BATF: variants seen among roughly 807,000 people sequenced by gnomAD.
The protein encoded by BATF is basic leucine zipper ATF-like transcription factor, also known as basic leucine zipper transcriptional factor ATF-like.
BATF carries 5 observed loss-of-function variants against 13.7 expected under a neutral mutation model. That is an observed-to-expected ratio of 0.36 (90% CI 0.19 to 0.77). BATF has a LOEUF of 0.77. Among genes scored for constraint, BATF ranks in the 30% least tolerant of loss-of-function variants. The probability of loss-of-function intolerance (pLI) is 0.51; values close to 1 mark genes in which losing one functional copy is unlikely to be tolerated. For missense variants in BATF, 124 were observed against 163.0 expected, an observed-to-expected ratio of 0.76 and a Z score of 1.30; for synonymous variants, 72 against 67.5, an observed-to-expected ratio of 1.07 and a Z score of -0.33.
intron 2 of BATF, among the ~76,000 whole-genome samples, chr14:75,534,809 A>G (rs1309502068): frequency 6.6e-6 from 1 of 152,226 alleles, no homozygotes; most frequent in African/African-American, 2.4e-5. Context: ...AGGACTGGGA[A>G]GATTGAATGC....
At chr14:75,545,669 A>G (rs1201927642) in intron 2 of BATF, among the ~76,000 whole-genome samples, 2 of 152,108 alleles carry the variant, frequency 1.3e-5, no homozygotes, top group African/African-American at 4.8e-5. Context: ...ACAGTGGAAA[A>G]GAGTGAAACT....
chr14:75,525,442 C>T (rs1352463457), intron 2 of BATF, among the ~76,000 whole-genome samples: 3 of 151,862 alleles, frequency 2.0e-5, no homozygotes, highest in Non-Finnish European at 4.4e-5. Flanking sequence ...GCGGGTGGGT[C>T]ACCTGAGGTC....
At chr14:75,534,892 T>C (rs1410028501) in intron 2 of BATF, among the ~76,000 whole-genome samples, 1 of 152,188 alleles carries the variant, frequency 6.6e-6, no homozygotes, top group Non-Finnish European at 1.5e-5. Flanking sequence ...AAACCCAGTG[T>C]GCATCACGAT....
intron 2 of BATF, among the ~76,000 whole-genome samples, chr14:75,529,963 C>A (rs182959757): frequency 2.0e-5 from 3 of 150,828 alleles, no homozygotes; most frequent in African/African-American, 7.3e-5. Context: ...ACTTGAGAGG[C>A]TGAGGCAGGA....
chr14:75,536,112 G>A (rs1002046653), intron 2 of BATF, among the ~76,000 whole-genome samples: 4 of 152,212 alleles, frequency 2.6e-5, no homozygotes, highest in African/African-American at 9.6e-5. Context: ...CTTACAGTCA[G>A]TTGGAAGTCA....
rs1887989222 is a variant in BATF, at chr14:75,546,574, C to T, written c.281C>T (p.Ser94Leu). 4.3e-6 allele frequency: 7 copies of T among 1,614,078 alleles called. No individual in the cohort carries two copies. The highest frequency in any genetic ancestry group is 5.9e-6 in the Non-Finnish European group (7 of 1,179,968). ...SVLNSHEPLC[S>L]VLAASTPSPP... is the part of the protein sequence containing the mutation. ...CTGAACAGCCACGAGCCCCTGTGCT[C>T]GGTGCTGGCCGCCAGCACGCCCTCG... The change falls in exon 3 of 3, where the codon TCG (serine) becomes TTG (leucine). Residue 94 changes from serine (S) to leucine (L), a missense_variant. Ser to Leu is a moderately radical substitution (Grantham distance 145). This residue lies in a region of BATF where 59 missense variants were observed against 49.7 expected (regional missense o/e 1.19). Coordinates refer to ENST00000286639, the MANE Select transcript of BATF (RefSeq NM_006399.5).
chr14:75,542,845 G>A (rs944369194), intron 2 of BATF, among the ~76,000 whole-genome samples: 6 of 152,250 alleles, frequency 3.9e-5, no homozygotes, highest in Non-Finnish European at 7.3e-5. Context: ...GGATCTGCAA[G>A]CCAGGGAGGG....
At chr14:75,542,358 A>G (rs545898732) in intron 2 of BATF, among the ~76,000 whole-genome samples, 1 of 152,286 alleles carries the variant, frequency 6.6e-6, no homozygotes, top group Non-Finnish European at 1.5e-5. Flanking sequence ...TGGATGCCCA[A>G]ATGCAGGCTC....
intron 2 of BATF, among the ~76,000 whole-genome samples, chr14:75,535,301 C>CGGGG (rs1887801415): frequency 6.6e-6 from 1 of 152,042 alleles, no homozygotes; most frequent in Non-Finnish European, 1.5e-5. Context: ...CACCCAGCTA[C>CGGGG]TTTAGAGGCT....
At chr14:75,535,185 C>G (rs1833813813) in intron 2 of BATF, among the ~76,000 whole-genome samples, 2 of 152,018 alleles carry the variant, frequency 1.3e-5, no homozygotes, top group Non-Finnish European at 2.9e-5. Flanking sequence ...ATACGGAGGC[C>G]AAGGCAGGAG....
chr14:75,538,679 A>T (rs570475794), intron 2 of BATF, among the ~76,000 whole-genome samples: 1 of 152,340 alleles, frequency 6.6e-6, no homozygotes, highest in African/African-American at 2.4e-5. Flanking sequence ...AGGCGGGTGG[A>T]TCACGAGGTC....
At chr14:75,525,397 T>C (rs2140033934) in intron 2 of BATF, among the ~76,000 whole-genome samples, 1 of 152,006 alleles carries the variant, frequency 6.6e-6, no homozygotes, top group South Asian at 2.1e-4. Flanking sequence ...GCGTGGTGGC[T>C]CACACCTGTA....
Position 75,541,078 on chromosome 14 carries a change from G to C in BATF, c.169-5384G>C, listed in dbSNP as rs1351701610. On this transcript the variant is annotated intron_variant, in intron 2 of 2. Transcript: ENST00000286639. ...ACTCCCAGTCTGGGCAACAGAGAGA[G>C]ACTCTGTCTCAAAAATTAAATAAAC... Among the ~76,000 whole-genome samples the C allele has an allele frequency of 8.5e-5, 13 of 152,314 alleles. 1 individual carries two copies. The East Asian group carries it at 1.2e-3, about 14-fold the overall frequency.
chr14:75,531,941 T>C (rs1444439448), intron 2 of BATF, among the ~76,000 whole-genome samples: 2 of 152,200 alleles, frequency 1.3e-5, no homozygotes, highest in Non-Finnish European at 2.9e-5. Flanking sequence ...AAGTTCAATG[T>C]AGAATCAGTG....
At chr14:75,522,865 A>G in intron 1 of BATF, 120 bp downstream of exon 1, 1 of 1,155,238 alleles carries the variant, frequency 8.7e-7, no homozygotes, top group East Asian at 2.5e-5. Flanking sequence ...TTGCACGGGC[A>G]CTCTGTTAGA....
At chr14:75,530,061 C>CA (rs56386431) in intron 2 of BATF, among the ~76,000 whole-genome samples, 60,889 of 109,582 alleles carry the variant, frequency 0.56, 18,074 homozygotes, top group Admixed American at 0.65. Flanking sequence ...GAGACTCCGT[C>CA]AAAAAAAAAA....
intron 1 of BATF, among the ~76,000 whole-genome samples, chr14:75,524,590 C>A (rs1887624054): frequency 6.6e-6 from 1 of 152,142 alleles, no homozygotes; most frequent in Non-Finnish European, 1.5e-5. Flanking sequence ...ATGATGATAT[C>A]AACTTCACAG....
chr14:75,528,851 A>G (rs1887690230), intron 2 of BATF, among the ~76,000 whole-genome samples: 1 of 152,246 alleles, frequency 6.6e-6, no homozygotes, highest in South Asian at 2.1e-4. Flanking sequence ...TATGCAAAAC[A>G]TAACCAATTA....
chr14:75,527,150 A>T (rs889478047), intron 2 of BATF, among the ~76,000 whole-genome samples: 1 of 152,194 alleles, frequency 6.6e-6, no homozygotes, highest in Admixed American at 6.5e-5. Context: ...TCGTACATTT[A>T]AAGAGCCCAA....
Sources: gnomAD v4.1 joint callset for allele counts (sites outside exome capture counted in the v4.1 genomes callset) on GRCh38, gnomAD v4.1.1 for gene constraint, gnomAD v4.1.1 regional missense constraint, MANE v1.5 for transcripts, NCBI Gene and HGNC (gene_info 2026-07-23, HGNC 2026-07-21) for gene names.